KLHL13: variants seen among roughly 807,000 people sequenced by gnomAD.
KLHL13 encodes the protein kelch-like protein 13.
Under a neutral mutation model 37.1 loss-of-function variants are expected in KLHL13, and 10 were observed. The ratio of observed to expected loss-of-function variants is 0.27; its 90% CI spans 0.17 to 0.46. KLHL13 has a LOEUF of 0.46. KLHL13 is among the 20% of genes least tolerant of loss of function. The pLI is 1.00. For synonymous variants in KLHL13, 163 were observed against 181.2 expected, an observed-to-expected ratio of 0.90 and a Z score of 0.81; for missense variants, 360 against 509.3, an observed-to-expected ratio of 0.71 and a Z score of 2.82.
chrX:118,057,538 T>C (rs2054697577), intron 1 of KLHL13, among the ~76,000 whole-genome samples: 1 of 111,869 alleles, frequency 8.9e-6, no homozygotes, highest in Admixed American at 9.4e-5. Context: ...ATGTGAAAAA[T>C]CGGCCGGGGC....
chrX:117,904,483 TAA>T (rs1356735231), intron 5 of KLHL13, among the ~76,000 whole-genome samples: 1 of 110,988 alleles, frequency 9.0e-6, no homozygotes, highest in African/African-American at 3.3e-5. Flanking sequence ...TTGGAAATGG[TAA>T]AGAGGCAACT....
intron 4 of KLHL13, among the ~76,000 whole-genome samples, chrX:117,916,396 T>A (rs772563795): frequency 2.1e-4 from 23 of 112,003 alleles, no homozygotes; most frequent in Non-Finnish European, 3.2e-4. Context: ...CATTTCATTG[T>A]CCTCTTTTCC....
At chrX:118,109,907 C>A (rs954477324) in intron 1 of KLHL13, among the ~76,000 whole-genome samples, 2 of 111,732 alleles carry the variant, frequency 1.8e-5, no homozygotes, top group South Asian at 7.6e-4. Flanking sequence ...GGTACAGTGG[C>A]TCATGCCTGT....
chrX:117,905,239 A>G (rs949271362), intron 5 of KLHL13, among the ~76,000 whole-genome samples: 8 of 111,937 alleles, frequency 7.1e-5, no homozygotes, highest in African/African-American at 2.3e-4. Context: ...TCATTATTTG[A>G]AACCTTAACT....
chrX:117,902,220 A>C (rs1484049578), intron 5 of KLHL13, among the ~76,000 whole-genome samples: 1 of 111,513 alleles, frequency 9.0e-6, no homozygotes, highest in Non-Finnish European at 1.9e-5. Flanking sequence ...TTATTCTGTA[A>C]TCTGCTTACA....
At chrX:118,022,819 T>C (rs1330961693) in intron 1 of KLHL13, among the ~76,000 whole-genome samples, 2 of 112,051 alleles carry the variant, frequency 1.8e-5, no homozygotes, top group African/African-American at 3.2e-5. Flanking sequence ...TTCCTTCCCA[T>C]GAAGAAGATT....
chrX:117,979,504 T>C (rs1356786330), intron 1 of KLHL13, among the ~76,000 whole-genome samples: 1 of 111,442 alleles, frequency 9.0e-6, no homozygotes, highest in African/African-American at 3.3e-5. Flanking sequence ...TCTAGCACCA[T>C]TCCTGGCCCG....
At chrX:117,919,406 C>G in intron 4 of KLHL13, 115 bp downstream of exon 5, 1 of 588,946 alleles carries the variant, frequency 1.7e-6, no homozygotes, top group Non-Finnish European at 2.9e-6. Context: ...CCACATACAA[C>G]AAGACACATC....
chrX:118,022,144 TG>T (rs2054223041), intron 1 of KLHL13, among the ~76,000 whole-genome samples: 1 of 112,003 alleles, frequency 8.9e-6, no homozygotes, highest in African/African-American at 3.2e-5. Flanking sequence ...CTTTGTCAGA[TG>T]GGTAGATTGT....
Position 117,978,933 on chromosome X carries a change from TA to T in KLHL13, c.-55-33359del, listed in dbSNP as rs199894460. On this transcript the variant is annotated intron_variant, in intron 1 of 6. Coordinates refer to the KLHL13 transcript ENST00000371882. ...GAAATCAATGGTTTTTATTTTATTT[TA>T]TTTTTTTTATTTTTGAGACAGAGTC... 4.8e-3 allele frequency among the ~76,000 whole-genome samples: 529 copies of T among 110,396 alleles called. 4 individuals are homozygous for T. The highest frequency in any genetic ancestry group is 0.016 in the African/African-American group (492 of 30,315).
intron 1 of KLHL13, among the ~76,000 whole-genome samples, chrX:118,114,931 T>C (rs1235398245): frequency 2.7e-5 from 3 of 112,061 alleles, no homozygotes; most frequent in Admixed American, 9.5e-5. Context: ...CAGCAGAAAC[T>C]ACTCTCATCT....
intron 1 of KLHL13, among the ~76,000 whole-genome samples, chrX:117,962,684 T>C (rs1355851895): frequency 1.8e-5 from 2 of 112,416 alleles, no homozygotes; most frequent in Admixed American, 1.9e-4. Flanking sequence ...CCATCTACCA[T>C]ATTTCCCTTT....
intron 1 of KLHL13, among the ~76,000 whole-genome samples, chrX:117,953,477 G>A (rs1183281868): frequency 9.0e-6 from 1 of 110,607 alleles, no homozygotes; most frequent in African/African-American, 3.3e-5. Flanking sequence ...TGGGTGCAGT[G>A]CACCAGCATG....
At chrX:117,962,314 T>G (rs905813738) in intron 1 of KLHL13, among the ~76,000 whole-genome samples, 9 of 88,280 alleles carry the variant, frequency 1.0e-4, no homozygotes, top group African/African-American at 1.4e-4. Context: ...GAGGTTTGGG[T>G]TTTTTTTTTT....
intron 1 of KLHL13, among the ~76,000 whole-genome samples, chrX:118,035,235 C>CATT (rs1333223406): frequency 2.0e-4 from 21 of 102,775 alleles, no homozygotes; most frequent in African/African-American, 8.5e-4. Flanking sequence ...CTCCCTAACT[C>CATT]ATTTTATGAG....
chrX:117,903,160 AGAGAGAGAGAGAGGAGAGC>A (rs1930222716), intron 5 of KLHL13, among the ~76,000 whole-genome samples: 1 of 98,782 alleles, frequency 1.0e-5, no homozygotes, highest in Non-Finnish European at 2.0e-5. Flanking sequence ...ACACACACAG[AGAGAGAGAGAGAGGAGAGC>A]GAGAGAGAGA....
At chrX:117,967,483 T>C (rs1043133733) in intron 1 of KLHL13, among the ~76,000 whole-genome samples, 1 of 111,516 alleles carries the variant, frequency 9.0e-6, no homozygotes, top group Non-Finnish European at 1.9e-5. Flanking sequence ...ATGTATGAAA[T>C]TCTCAGTAAC....
rs143442168 is a variant in KLHL13, at chrX:118,077,405, G to A, written c.-56+39103C>T. On this transcript the variant is annotated intron_variant, in intron 1 of 6. Transcript: ENST00000371882. ...AATTACTGCCTTGTGGAGGGTGTGG[G>A]AGTATAAAAGTATATTCAAAAACGA... Among the ~76,000 whole-genome samples, 982 of 109,286 alleles carry A rather than the reference G, an allele frequency of 9.0e-3. 14 individuals carry two copies. Among genetic ancestry groups the A allele is most frequent in the African/African-American group, 0.031 (924 of 29,979 alleles). The allele number at this position is 109,286 out of a possible 115,157, so 94.9% of individuals were successfully genotyped here.
chrX:118,039,605 C>T (rs1346776795), intron 1 of KLHL13, among the ~76,000 whole-genome samples: 1 of 111,830 alleles, frequency 8.9e-6, no homozygotes, highest in Non-Finnish European at 1.9e-5. Context: ...AGGTTTCCGA[C>T]TCTAGGCTTT....
Sources: allele counts gnomAD v4.1 joint callset (sites outside exome capture counted in the v4.1 genomes callset), GRCh38; gene constraint gnomAD v4.1.1; transcripts MANE v1.5; gene names NCBI Gene and HGNC (gene_info 2026-07-23, HGNC 2026-07-21).